The following TMEM161B variants were observed in gnomAD, a reference collection of about 807,000 sequenced individuals.
TMEM161B encodes transmembrane protein 161B.
TMEM161B carries 34 observed loss-of-function variants against 61.8 expected under a neutral mutation model. The observed-to-expected ratio is 0.55, with a 90% CI of 0.42 to 0.73. The LOEUF (loss-of-function observed/expected upper bound fraction) is 0.73, where lower values mean the gene tolerates loss of function less well. TMEM161B is among the 30% of genes least tolerant of loss of function. The pLI is 0.00. For missense variants in TMEM161B, 456 were observed against 558.5 expected, an observed-to-expected ratio of 0.82 and a Z score of 1.85; for synonymous variants, 167 against 192.8, an observed-to-expected ratio of 0.87 and a Z score of 1.11.
chr5:88,211,236 G>T (rs1318994902), intron 5 of TMEM161B, among the ~76,000 whole-genome samples: 1 of 151,506 alleles, frequency 6.6e-6, no homozygotes, highest in Non-Finnish European at 1.5e-5. Context: ...ATGAAGTTTG[G>T]GTATATAACT....
At chr5:88,252,439 T>G (rs909172721) in intron 1 of TMEM161B, among the ~76,000 whole-genome samples, 1 of 152,096 alleles carries the variant, frequency 6.6e-6, no homozygotes, top group African/African-American at 2.4e-5. Context: ...AAATTAGATA[T>G]AGCGATATAT....
At chr5:88,204,133 A>T (rs948661497) in intron 8 of TMEM161B, among the ~76,000 whole-genome samples, 2 of 151,964 alleles carry the variant, frequency 1.3e-5, no homozygotes, top group Admixed American at 1.3e-4. Flanking sequence ...AACACCTAAC[A>T]GGGAAAGGCA....
chr5:88,229,543 TA>T (rs1750635561), intron 2 of TMEM161B, among the ~76,000 whole-genome samples: 1 of 151,192 alleles, frequency 6.6e-6, no homozygotes, highest in African/African-American at 2.4e-5. Flanking sequence ...TATTTTTCCG[TA>T]ATACAAATCT....
intron 1 of TMEM161B, among the ~76,000 whole-genome samples, chr5:88,267,178 T>C (rs1756488873): frequency 6.6e-6 from 1 of 152,146 alleles, no homozygotes. Flanking sequence ...TTTAGAAAAA[T>C]CACTGTCAAT....
At chr5:88,236,988 T>C (rs1029071287) in intron 2 of TMEM161B, among the ~76,000 whole-genome samples, 1 of 152,144 alleles carries the variant, frequency 6.6e-6, no homozygotes, top group Admixed American at 6.5e-5. Context: ...GTATGACAGT[T>C]CCAGGACAAG....
At chr5:88,205,067 C>A (rs1258418968) in intron 8 of TMEM161B, among the ~76,000 whole-genome samples, 1 of 152,082 alleles carries the variant, frequency 6.6e-6, no homozygotes, top group Non-Finnish European at 1.5e-5. Flanking sequence ...AACGATGAGA[C>A]AGGAACTTTG....
chr5:88,197,099 G>T (rs1453574076), intron 11 of TMEM161B, among the ~76,000 whole-genome samples: 1 of 152,070 alleles, frequency 6.6e-6, no homozygotes, highest in Non-Finnish European at 1.5e-5. Flanking sequence ...GTTCTTTCAG[G>T]TTTCTTAAAC....
chr5:88,229,783 A>T (rs1236260404), intron 2 of TMEM161B, among the ~76,000 whole-genome samples: 1 of 151,348 alleles, frequency 6.6e-6, no homozygotes, highest in Non-Finnish European at 1.5e-5. Context: ...ACAGGGGCTC[A>T]CTTGGTTGTC....
chr5:88,207,480 A>T (rs1241583529), intron 5 of TMEM161B, among the ~76,000 whole-genome samples: 2 of 152,288 alleles, frequency 1.3e-5, no homozygotes, highest in East Asian at 1.9e-4. Flanking sequence ...TTTATTAGGC[A>T]TGTCTGTTAA....
At chr5:88,248,317 C>T (rs1263588469) in intron 1 of TMEM161B, among the ~76,000 whole-genome samples, 1 of 152,050 alleles carries the variant, frequency 6.6e-6, no homozygotes, top group Admixed American at 6.6e-5. Flanking sequence ...TCCAGGTGGT[C>T]AAAAGCATGC....
chr5:88,197,535 T>G, intron 11 of TMEM161B, 134 bp downstream of exon 11: 1 of 762,758 alleles, frequency 1.3e-6, no homozygotes, highest in Non-Finnish European at 2.1e-6. Flanking sequence ...AGCTAAAACT[T>G]TCCCATGGTT....
intron 4 of TMEM161B, among the ~76,000 whole-genome samples, chr5:88,222,366 G>A (rs1289050173): frequency 6.6e-6 from 1 of 152,030 alleles, no homozygotes; most frequent in African/African-American, 2.4e-5. Flanking sequence ...ACTGCCCCCA[G>A]CCCTGCTTTA....
At chr5:88,197,947 T>C (rs1371235649) in intron 10 of TMEM161B, 182 bp from the exon 11 acceptor site, 2 of 442,516 alleles carry the variant, frequency 4.5e-6, no homozygotes, top group Non-Finnish European at 8.2e-6. Context: ...AGGCTCAATT[T>C]GAAGACAAGT....
At position 88,205,928 on chromosome 5, in the gene TMEM161B, T is replaced by G; in HGVS notation, c.686A>C (p.Lys229Thr). The G allele has an allele frequency of 3.7e-6, 6 of 1,610,722 alleles. No individual in the cohort carries two copies. Among genetic ancestry groups the G allele is most frequent in the Non-Finnish European group, 5.1e-6 (6 of 1,178,472 alleles). ...TGAACAGAAAATAGCCAGGAAAAAT[T>G]TGAAAGTAAGTTTTGAAACAGGACT... ...SQSPVSKLTF[K>T]FFLAIFCSFI... Residue 229 changes from lysine to threonine, a missense_variant, in exon 8 of 12, where the codon AAA becomes ACA. This residue lies in a region of TMEM161B where 367 missense variants were observed against 427.3 expected (regional missense o/e 0.86). Transcript: ENST00000296595.
At chr5:88,233,125 C>T (rs538810630) in intron 2 of TMEM161B, among the ~76,000 whole-genome samples, 1 of 152,308 alleles carries the variant, frequency 6.6e-6, no homozygotes, top group Admixed American at 6.5e-5. Context: ...TATTCAGATA[C>T]TCTGCTAGGC....
intron 2 of TMEM161B, among the ~76,000 whole-genome samples, chr5:88,237,889 T>A (rs965331751): frequency 8.5e-5 from 13 of 152,106 alleles, no homozygotes; most frequent in African/African-American, 1.2e-4. Flanking sequence ...GCTTATTTTG[T>A]CAAGGTATTA....
chr5:88,261,480 A>T (rs1755675683), intron 1 of TMEM161B, among the ~76,000 whole-genome samples: 1 of 152,062 alleles, frequency 6.6e-6, no homozygotes, highest in Non-Finnish European at 1.5e-5. Context: ...AGCCAACACA[A>T]TACTGAAGAA....
intron 2 of TMEM161B, among the ~76,000 whole-genome samples, chr5:88,232,175 AGATT>A (rs1289619725): frequency 6.6e-6 from 1 of 152,176 alleles, no homozygotes; most frequent in African/African-American, 2.4e-5. Flanking sequence ...CATAAAAAGG[AGATT>A]TGTTTACAGT....
At chr5:88,267,160 A>AC (rs1450504024) in intron 1 of TMEM161B, among the ~76,000 whole-genome samples, 1 of 152,222 alleles carries the variant, frequency 6.6e-6, no homozygotes, top group African/African-American at 2.4e-5. Context: ...CTGCCAAACT[A>AC]CTGTTACTTT....
Sources: gnomAD v4.1 joint callset for allele counts (sites outside exome capture counted in the v4.1 genomes callset) on GRCh38, gnomAD v4.1.1 for gene constraint, gnomAD v4.1.1 regional missense constraint, MANE v1.5 for transcripts, NCBI Gene and HGNC (gene_info 2026-07-23, HGNC 2026-07-21) for gene names.